COL6A6: variants seen among roughly 807,000 people sequenced by gnomAD.
COL6A6 encodes the protein collagen alpha-6(VI) chain.
A neutral mutation model predicts 208.6 loss-of-function variants in COL6A6; 183 were observed. The observed-to-expected ratio is 0.88, with a 90% CI of 0.78 to 0.99. The LOEUF (loss-of-function observed/expected upper bound fraction) is 0.99, where lower values mean the gene tolerates loss of function less well. Among genes scored for constraint, COL6A6 ranks in the 50% least tolerant of loss-of-function variants. COL6A6 has a pLI of 0.00. For missense variants in COL6A6, 2,816 were observed against 2,815.2 expected, an observed-to-expected ratio of 1.00 and a Z score of -0.01; for synonymous variants, 973 against 1,011.8, an observed-to-expected ratio of 0.96 and a Z score of 0.73.
Position 130,676,613 on chromosome 3 carries a change from G to A in COL6A6, c.*1216G>A, listed in dbSNP as rs1192819459. 2 of 152,208 alleles carry A rather than the reference G, an allele frequency of 1.3e-5. No individual in the cohort carries two copies. The highest frequency in any genetic ancestry group is 4.8e-5 in the African/African-American group (2 of 41,452). The allele number at this position is 152,208 out of a possible 1,614,324, so 9.4% of individuals were successfully genotyped here. A position where few individuals can be genotyped will look rare whatever the true frequency, so the allele number is the denominator to read the frequency against. Reference sequence around the variant, plus strand: ...TGGATGCATGGAGCAGATGGATACTGACACCAAGGACATTCAGATTTTCTT... The same window carrying A: ...TGGATGCATGGAGCAGATGGATACTAACACCAAGGACATTCAGATTTTCTT... On this transcript the variant is annotated 3_prime_UTR_variant, in exon 37 of 37. Transcript: ENST00000358511.
intron 1 of COL6A6, among the ~76,000 whole-genome samples, chr3:130,537,895 C>T (rs1174529086): frequency 6.6e-6 from 1 of 152,150 alleles, no homozygotes; most frequent in Non-Finnish European, 1.5e-5. Flanking sequence ...GATACAGAGC[C>T]TCTATTCAGA....
chr3:130,587,025 G>A (rs558111108), intron 11 of COL6A6, among the ~76,000 whole-genome samples: 11 of 152,220 alleles, frequency 7.2e-5, no homozygotes, highest in Admixed American at 5.2e-4. Flanking sequence ...TTTTCACACC[G>A]CTTGCAGATC....
chr3:130,581,001 T>A (rs961259008), intron 8 of COL6A6, among the ~76,000 whole-genome samples: 1 of 151,304 alleles, frequency 6.6e-6, no homozygotes, highest in Non-Finnish European at 1.5e-5. Context: ...CTGAATTTTT[T>A]AGTTTTTTTT....
intron 26 of COL6A6, 75 bp downstream of exon 26, chr3:130,627,444 GA>G: frequency 7.6e-7 from 1 of 1,309,856 alleles, no homozygotes; most frequent in Non-Finnish European, 1.1e-6. Context: ...ACATTTAAGA[GA>G]AAAAGGGAAG....
chr3:130,562,706 A>T (rs1373931479), intron 2 of COL6A6, among the ~76,000 whole-genome samples: 4 of 152,208 alleles, frequency 2.6e-5, no homozygotes, highest in Non-Finnish European at 5.9e-5. Flanking sequence ...AGCCAAAAAA[A>T]CTACAAGAGG....
chr3:130,590,299 A>ATTTTTTTTT (rs71133610), intron 12 of COL6A6, among the ~76,000 whole-genome samples: 3 of 9,176 alleles, frequency 3.3e-4, no homozygotes, highest in Non-Finnish European at 6.5e-4. Context: ...ATATATATAT[A>ATTTTTTTTT]TTTTTTTTTT....
At position 130,564,439 on chromosome 3, in the gene COL6A6, A is replaced by G. The variant is rs181288229; in HGVS notation, c.662-555A>G. Reference sequence around the variant, plus strand: ...TACATGTCCAAATATGTTATATAGGAAACTCACATTATCCCTGATTAAATC... The same window carrying G: ...TACATGTCCAAATATGTTATATAGGGAACTCACATTATCCCTGATTAAATC... On this transcript the variant is annotated intron_variant, in intron 3 of 36. Transcript: ENST00000358511. Among the ~76,000 whole-genome samples the G allele has an allele frequency of 8.5e-5, 13 of 152,360 alleles. No individual in the cohort carries two copies. The East Asian group carries it at 2.5e-3, about 29-fold the overall frequency.
Position 130,646,080 on chromosome 3 carries a change from T to C in COL6A6, c.5239+1078T>C, listed in dbSNP as rs77342233. ...ATAAACAAAGGGAAGCCCAGCACAT[T>C]AGGTGCTATTTGAAAGAGATAACCT... On this transcript the variant is annotated intron_variant, in intron 32 of 36. Transcript: ENST00000358511. Among the ~76,000 whole-genome samples, 601 of 152,314 alleles carry C rather than the reference T, an allele frequency of 3.9e-3. 14 individuals carry two copies. The East Asian group carries it at 0.041, about 11-fold the overall frequency.
chr3:130,643,544 T>C (rs2065378478), intron 31 of COL6A6, among the ~76,000 whole-genome samples: 1 of 152,252 alleles, frequency 6.6e-6, no homozygotes, highest in South Asian at 2.1e-4. Flanking sequence ...ATTCTGCCAA[T>C]ATTTTTTCTT....
chr3:130,587,365 A>G (rs928908526), intron 11 of COL6A6, among the ~76,000 whole-genome samples: 9 of 152,132 alleles, frequency 5.9e-5, no homozygotes, highest in African/African-American at 2.2e-4. Context: ...GGTTCAAGCA[A>G]TTCTCCCTGC....
At position 130,563,309 on chromosome 3, in the gene COL6A6, C is replaced by T. The variant is rs768634748; in HGVS notation, c.306C>T (p.Gly102=). The T allele has an allele frequency of 2.0e-5, 33 of 1,613,928 alleles. No homozygotes were observed. The highest frequency in any genetic ancestry group is 1.2e-4 in the Admixed American group (7 of 60,026). ...TAAGGAAGAACTTTGGATTCATTGG[C>T]GGGTCCCTGCAGATAGGAAAGGCTC... The part of the protein sequence containing the change: ...NHLRKNFGFI[G]GSLQIGKALQ... The change falls in exon 3 of 37, where the codon GGC becomes GGT. Residue 102 remains glycine, a synonymous_variant. Coordinates refer to ENST00000358511, the MANE Select transcript of COL6A6 (RefSeq NM_001102608.3).
chr3:130,580,051 C>T (rs139643067), intron 8 of COL6A6, among the ~76,000 whole-genome samples: 1 of 152,264 alleles, frequency 6.6e-6, no homozygotes, highest in Non-Finnish European at 1.5e-5. Context: ...GCAACAGTTC[C>T]CAAGGTCACT....
At chr3:130,653,358 G>A (rs1042745782) in intron 33 of COL6A6, among the ~76,000 whole-genome samples, 1 of 151,324 alleles carries the variant, frequency 6.6e-6, no homozygotes, top group African/African-American at 2.5e-5. Flanking sequence ...AGTTGAAATG[G>A]GGGGAGACTT....
Position 130,662,178 on chromosome 3 carries a change from G to A in COL6A6, c.6372G>A (p.Trp2124Ter), listed in dbSNP as rs1398187886. The A allele has an allele frequency of 1.2e-6, 2 of 1,613,824 alleles. No homozygotes were observed. The highest frequency in any genetic ancestry group is 2.7e-5 in the African/African-American group (2 of 74,890). ...TTGTGTTTTCCCTTGGCCCTATTTG[G>A]GATGACAAGGAACTGGAGGATCTCG... is the stretch of plus-strand genomic sequence containing the variant. ...ALFVFSLGPI[W>*]DDKELEDLAS... The change falls in exon 35 of 37, where the codon TGG becomes TGA. Residue 2124 changes from tryptophan to a stop codon, truncating the protein, a stop_gained. Transcript: ENST00000358511. LOFTEE classifies it high-confidence loss of function.
At chr3:130,668,087 CAA>C (rs2066120319) in intron 36 of COL6A6, among the ~76,000 whole-genome samples, 1 of 151,228 alleles carries the variant, frequency 6.6e-6, no homozygotes, top group South Asian at 2.1e-4. Flanking sequence ...ACAGCAGAAT[CAA>C]GTCAATTTAA....
rs1482110176 is a variant in COL6A6 at position 130,587,369 on chromosome 3, T to A, written c.4125+709T>A. On this transcript the variant is annotated intron_variant, in intron 11 of 36. Transcript: ENST00000358511. ...TCTGCCTCCCGGGTTCAAGCAATTC[T>A]CCCTGCCTCAGCCTCCCGAGTAGCT... Among the ~76,000 whole-genome samples the A allele has an allele frequency of 2.0e-5, 3 of 152,162 alleles. No individual in the cohort carries two copies. In the East Asian group the frequency reaches 5.8e-4, roughly 29 times the overall value.
chr3:130,606,002 T>G (rs549845864), intron 20 of COL6A6, among the ~76,000 whole-genome samples: 2 of 152,342 alleles, frequency 1.3e-5, no homozygotes, highest in South Asian at 4.1e-4. Flanking sequence ...GTGGGAATTA[T>G]GGGAGCTACA....
chr3:130,569,053 G>A (rs747517676), intron 6 of COL6A6, among the ~76,000 whole-genome samples: 4 of 152,186 alleles, frequency 2.6e-5, no homozygotes, highest in Non-Finnish European at 4.4e-5. Flanking sequence ...TACAGAGTTG[G>A]TCCTACCTTG....
chr3:130,659,775 C>T (rs1482556586), intron 34 of COL6A6, among the ~76,000 whole-genome samples: 1 of 152,166 alleles, frequency 6.6e-6, no homozygotes, highest in Admixed American at 6.5e-5. Flanking sequence ...TGATTTTTCT[C>T]CTTCACATGT....
Sources: gnomAD v4.1 joint callset for allele counts (sites outside exome capture counted in the v4.1 genomes callset) on GRCh38, gnomAD v4.1.1 for gene constraint, MANE v1.5 for transcripts, NCBI Gene and HGNC (gene_info 2026-07-23, HGNC 2026-07-21) for gene names.